RBFOX1: variants seen among roughly 807,000 people sequenced by gnomAD.
RBFOX1 encodes RNA binding protein fox-1 homolog 1.
Under a neutral mutation model 57.7 loss-of-function variants are expected in RBFOX1, and 8 were observed. That is an observed-to-expected ratio of 0.14 (90% CI 0.08 to 0.25). The LOEUF (loss-of-function observed/expected upper bound fraction) is 0.25. Among genes scored for constraint, RBFOX1 ranks in the 10% least tolerant of loss-of-function variants. The pLI is 1.00. For missense variants in RBFOX1, 611 were observed against 548.5 expected (o/e 1.11, Z -1.14); for synonymous variants, 326 against 222.4 (o/e 1.47, Z -4.15).
At chr16:5,253,317 T>G (rs1387597724) in intron 1 of RBFOX1, among the ~76,000 whole-genome samples, 1 of 151,160 alleles carries the variant, frequency 6.6e-6, no homozygotes, top group African/African-American at 2.5e-5. Flanking sequence ...ACCCAGCTAA[T>G]TTTTTTGTAT....
At chr16:6,823,697 CATTT>C (rs2091703931) in intron 3 of RBFOX1, among the ~76,000 whole-genome samples, 1 of 151,932 alleles carries the variant, frequency 6.6e-6, no homozygotes, top group Non-Finnish European at 1.5e-5. Flanking sequence ...CTTTTTCATT[CATTT>C]GTTCATTCAT....
chr16:5,457,307 A>G (rs2341494), intron 1 of RBFOX1, among the ~76,000 whole-genome samples: 162 of 151,998 alleles, frequency 1.1e-3, no homozygotes, highest in African/African-American at 3.8e-3. Flanking sequence ...GATAATTTTT[A>G]TATTTTTAGT....
chr16:5,644,301 G>A (rs112584874), intron 3 of RBFOX1, among the ~76,000 whole-genome samples: 1 of 152,206 alleles, frequency 6.6e-6, no homozygotes, highest in Non-Finnish European at 1.5e-5. Context: ...AAATGAATTA[G>A]GGACTTGAAT....
chr16:5,867,149 C>CGTGTGT (rs756346926), intron 3 of RBFOX1, among the ~76,000 whole-genome samples: 11 of 126,726 alleles, frequency 8.7e-5, no homozygotes, highest in African/African-American at 2.8e-4. Flanking sequence ...GAAGAAAATG[C>CGTGTGT]ATGTGTGTGT....
chr16:6,185,109 T>C (rs1598170489), intron 1 of RBFOX1, among the ~76,000 whole-genome samples: 1 of 152,122 alleles, frequency 6.6e-6, no homozygotes, highest in African/African-American at 2.4e-5. Context: ...TTTAGGACTT[T>C]CCTTCTTATG....
chr16:5,726,189 C>G (rs183972714), intron 3 of RBFOX1, among the ~76,000 whole-genome samples: 1 of 151,796 alleles, frequency 6.6e-6, no homozygotes, highest in African/African-American at 2.4e-5. Context: ...GAGGCCTTTG[C>G]GAATCAATCA....
intron 2 of RBFOX1, among the ~76,000 whole-genome samples, chr16:6,544,052 T>G (rs988019049): frequency 6.6e-6 from 1 of 152,234 alleles, no homozygotes; most frequent in South Asian, 2.1e-4. Flanking sequence ...GATGCTCTTC[T>G]AGGTGTCTGT....
intron 4 of RBFOX1, among the ~76,000 whole-genome samples, chr16:7,080,326 C>A (rs79201299): frequency 0.016 from 2,423 of 152,112 alleles, 70 homozygotes; most frequent in African/African-American, 0.055. Flanking sequence ...ATTATTTCCT[C>A]CAATGCCTTG....
intron 3 of RBFOX1, among the ~76,000 whole-genome samples, chr16:6,882,354 T>A (rs951968692): frequency 1.3e-5 from 2 of 152,118 alleles, no homozygotes; most frequent in Non-Finnish European, 2.9e-5. Flanking sequence ...GTGAGCAGTA[T>A]AATTACAGTT....
At chr16:5,603,248 C>A (rs74733475), downstream of RBFOX1, among the ~76,000 whole-genome samples, 5,674 of 152,258 alleles carry the variant, frequency 0.037, 251 homozygotes, top group African/African-American at 0.11. Flanking sequence ...CTAGGAAGTA[C>A]CTGGCATTGC....
chr16:7,450,508 A>T (rs1250332041), intron 4 of RBFOX1, among the ~76,000 whole-genome samples: 2 of 152,034 alleles, frequency 1.3e-5, no homozygotes, highest in Admixed American at 6.6e-5. Context: ...ATTTGAAGAT[A>T]ACGGCCCCCG....
intron 3 of RBFOX1, among the ~76,000 whole-genome samples, chr16:5,813,310 G>A (rs111724063): frequency 0.06 from 9,117 of 152,164 alleles, 312 homozygotes; most frequent in African/African-American, 0.095. Flanking sequence ...GGTGTTAAAT[G>A]CACCCACAAC....
At position 7,692,766 on chromosome 16, in the gene RBFOX1, A is replaced by C. The variant is rs117624728; in HGVS notation, c.995+15928A>C. ...TAATACTGCATCATTAAAAATAATTAGGGTTTATTTCAATTGACAAGTTCT... is the reference window on the plus strand; with the variant it reads ...TAATACTGCATCATTAAAAATAATTCGGGTTTATTTCAATTGACAAGTTCT... On this transcript the variant is annotated intron_variant, in intron 14 of 15. Transcript: ENST00000550418. Among the ~76,000 whole-genome samples the C allele has an allele frequency of 2.2e-3, 329 of 152,284 alleles. 3 individuals carry two copies. The highest frequency in any genetic ancestry group is 7.1e-3 in the South Asian group (34 of 4,820).
At chr16:5,854,532 G>C (rs568693138) in intron 3 of RBFOX1, among the ~76,000 whole-genome samples, 4 of 151,816 alleles carry the variant, frequency 2.6e-5, no homozygotes, top group Non-Finnish European at 4.4e-5. Context: ...CTGAATAATG[G>C]TGTTTATATG....
chr16:5,410,836 C>T (rs1413006995), intron 1 of RBFOX1, among the ~76,000 whole-genome samples: 2 of 152,226 alleles, frequency 1.3e-5, no homozygotes, highest in Non-Finnish European at 2.9e-5. Context: ...TGAAGCTAGA[C>T]ATCAGAGTGA....
At chr16:7,651,292 A>G (rs2065009485) in intron 11 of RBFOX1, among the ~76,000 whole-genome samples, 1 of 152,110 alleles carries the variant, frequency 6.6e-6, no homozygotes, top group Non-Finnish European at 1.5e-5. Flanking sequence ...TTGGGCCCTT[A>G]AAATTGCAAG....
chr16:7,058,856 T>C (rs892904562), intron 4 of RBFOX1, among the ~76,000 whole-genome samples: 10 of 152,188 alleles, frequency 6.6e-5, no homozygotes, highest in African/African-American at 2.4e-4. Flanking sequence ...TGGGTTGCTT[T>C]AAAGATAAAT....
chr16:6,164,101 G>T (rs1320095887), intron 1 of RBFOX1, among the ~76,000 whole-genome samples: 2 of 152,094 alleles, frequency 1.3e-5, no homozygotes, highest in Non-Finnish European at 2.9e-5. Context: ...ACTCAATGTT[G>T]CCTCTTTTGT....
At chr16:5,980,685 G>T (rs1030134235) in intron 4 of RBFOX1, among the ~76,000 whole-genome samples, 1 of 152,150 alleles carries the variant, frequency 6.6e-6, no homozygotes, top group Admixed American at 6.5e-5. Flanking sequence ...TTAATATCAT[G>T]AGGAGGTTTC....
Sources: allele counts gnomAD v4.1 joint callset (sites outside exome capture counted in the v4.1 genomes callset), GRCh38; gene constraint gnomAD v4.1.1; transcripts MANE v1.5; gene names NCBI Gene and HGNC (gene_info 2026-07-23, HGNC 2026-07-21).